The following CDC73 variants were observed in gnomAD, a reference collection of about 807,000 sequenced individuals.
The protein encoded by CDC73 is parafibromin.
A neutral mutation model predicts 83.7 loss-of-function variants in CDC73; 21 were observed. The ratio of observed to expected loss-of-function variants is 0.25; its 90% confidence interval spans 0.18 to 0.36. The LOEUF is 0.36. CDC73 is among the 10% of genes least tolerant of loss of function. The pLI is 1.00. For missense variants in CDC73, 342 were observed against 653.3 expected, an observed-to-expected ratio of 0.52 and a Z score of 5.19; for synonymous variants, 224 against 212.9, an observed-to-expected ratio of 1.05 and a Z score of -0.45.
chr1:193,232,410 C>G (rs1338087205), intron 13 of CDC73, among the ~76,000 whole-genome samples: 1 of 151,928 alleles, frequency 6.6e-6, no homozygotes, highest in African/African-American at 2.4e-5. Flanking sequence ...GTGGAAAATG[C>G]TAAGTGCTAG....
chr1:193,150,804 A>G (rs1207815285), intron 9 of CDC73, among the ~76,000 whole-genome samples: 4 of 152,314 alleles, frequency 2.6e-5, no homozygotes, highest in East Asian at 3.9e-4. Flanking sequence ...TTAAAATGTT[A>G]TTATAGTGCC....
At chr1:193,244,524 G>A (rs895986132) in intron 15 of CDC73, among the ~76,000 whole-genome samples, 2 of 152,132 alleles carry the variant, frequency 1.3e-5, no homozygotes, top group African/African-American at 4.8e-5. Context: ...TGAGGCCCTG[G>A]CCTACATAGT....
rs146597517 is a variant in CDC73, at chr1:193,149,931, GT to G, written c.829-366del. On this transcript the variant is annotated intron_variant, in intron 8 of 16. Coordinates refer to ENST00000367435, the MANE Select transcript of CDC73 (RefSeq NM_024529.5). ...GTTTATTTAAGGATTAATAATTTGG[GT>G]TTTTTTGTTTTGTTAAAACAATCAT... Among the ~76,000 whole-genome samples the G allele has an allele frequency of 5.9e-3, 894 of 152,122 alleles. 29 individuals carry two copies. In the East Asian group the frequency reaches 0.12, roughly 20 times the overall value.
In CDC73 at chr1:193,252,261, TTAAAGA is replaced by T; in HGVS notation, c.*1554_*1559del. 4.3e-6 allele frequency: 1 copy of T among 230,682 alleles called. No individual in the cohort carries two copies. The highest frequency in any genetic ancestry group is 8.6e-6 in the Non-Finnish European group (1 of 116,446). 14.3% of individuals were successfully genotyped at this position (230,682 alleles called of 1,614,324 possible). On this transcript the variant is annotated 3_prime_UTR_variant, in exon 17 of 17. Coordinates refer to ENST00000367435, the MANE Select transcript of CDC73 (RefSeq NM_024529.5). ...CCTCCCTTTTTAGCGTCTTCTTTCC[TTAAAGA>T]TAAAAGAAAACTCAAATTTGTTTAC...
chr1:193,138,010 A>G, intron 5 of CDC73, 75 bp from the exon 6 acceptor site: 2 of 1,083,432 alleles, frequency 1.8e-6, no homozygotes, highest in Non-Finnish European at 1.4e-6. Context: ...TGGTAAGGAA[A>G]AGTTACATGT....
intron 4 of CDC73, 38 bp downstream of exon 4, chr1:193,135,491 G>A: frequency 6.2e-7 from 1 of 1,608,420 alleles, no homozygotes; most frequent in Non-Finnish European, 8.5e-7. Flanking sequence ...ACTTTCAGAA[G>A]CCCATTCCAA....
chr1:193,146,396 T>C (rs1375613247), intron 7 of CDC73, among the ~76,000 whole-genome samples: 1 of 152,108 alleles, frequency 6.6e-6, no homozygotes, highest in East Asian at 1.9e-4. Flanking sequence ...AGAAATTTAT[T>C]TCTCATATTT....
At chr1:193,177,528 T>TAAAAAAA (rs556503372) in intron 10 of CDC73, among the ~76,000 whole-genome samples, 3 of 104,450 alleles carry the variant, frequency 2.9e-5, no homozygotes, top group African/African-American at 6.9e-5. Context: ...AGACTCTGTC[T>TAAAAAAA]AAAAAAAAAA....
At chr1:193,245,646 A>G (rs1013843658) in intron 15 of CDC73, among the ~76,000 whole-genome samples, 1 of 152,144 alleles carries the variant, frequency 6.6e-6, no homozygotes, top group African/African-American at 2.4e-5. Flanking sequence ...ATTTGGATAA[A>G]TGCCCATTAA....
At chr1:193,249,696 T>C (rs1327582617) in intron 15 of CDC73, 34 bp from the exon 16 acceptor site, 1 of 1,564,140 alleles carries the variant, frequency 6.4e-7, no homozygotes. Flanking sequence ...TTATTTTGAG[T>C]AAAAATGATA....
At chr1:193,224,660 CAT>C (rs1677535073) in intron 13 of CDC73, among the ~76,000 whole-genome samples, 1 of 152,050 alleles carries the variant, frequency 6.6e-6, no homozygotes, top group Non-Finnish European at 1.5e-5. Flanking sequence ...CGCATATACA[CAT>C]ATATGAAATA....
intron 14 of CDC73, 119 bp downstream of exon 14, chr1:193,233,273 C>G: frequency 1.1e-6 from 1 of 907,912 alleles, no homozygotes; most frequent in Middle Eastern, 3.3e-4. Context: ...GTTGCCTAGG[C>G]AGAACTTGAA....
chr1:193,243,021 T>C (rs1677889029), intron 15 of CDC73, among the ~76,000 whole-genome samples: 1 of 151,746 alleles, frequency 6.6e-6, no homozygotes. Flanking sequence ...GGTGCAATCT[T>C]GGCTCCCTGC....
At chr1:193,242,955 C>CTTT (rs530654324) in intron 15 of CDC73, among the ~76,000 whole-genome samples, 6 of 142,198 alleles carry the variant, frequency 4.2e-5, no homozygotes, top group East Asian at 2.0e-4. Flanking sequence ...TCTTCTTCTT[C>CTTT]TTTTTTTTTT....
At chr1:193,247,962 T>C (rs1280274183) in intron 15 of CDC73, among the ~76,000 whole-genome samples, 9 of 152,074 alleles carry the variant, frequency 5.9e-5, no homozygotes, top group Non-Finnish European at 1.0e-4. Context: ...ATCCAGAAGA[T>C]ACAGTGAATA....
chr1:193,248,100 A>G (rs961060728), intron 15 of CDC73, among the ~76,000 whole-genome samples: 4 of 152,096 alleles, frequency 2.6e-5, no homozygotes, highest in Non-Finnish European at 5.9e-5. Flanking sequence ...CCAAAACTTC[A>G]GAGGACAGAC....
At chr1:193,191,576 C>T (rs1432792910) in intron 10 of CDC73, among the ~76,000 whole-genome samples, 3 of 151,870 alleles carry the variant, frequency 2.0e-5, no homozygotes, top group Non-Finnish European at 4.4e-5. Context: ...TTAGTAGAGT[C>T]GCGGTTTCGT....
intron 6 of CDC73, among the ~76,000 whole-genome samples, chr1:193,138,680 T>TA (rs1246638428): frequency 6.6e-6 from 1 of 152,206 alleles, no homozygotes; most frequent in Non-Finnish European, 1.5e-5. Context: ...ACAGCTCACT[T>TA]ACATTCTTTT....
rs756502131 is a variant in CDC73, at chr1:193,250,721, G to C, written c.*9G>C. The C allele has an allele frequency of 2.5e-6, 4 of 1,606,040 alleles. No individual in the cohort carries two copies. Among genetic ancestry groups the C allele is most frequent in the African/African-American group, 1.3e-5 (1 of 74,558 alleles). On this transcript the variant is annotated 3_prime_UTR_variant, in exon 17 of 17. Transcript: ENST00000367435. ...CGCACTTGAGATTCTGAATTATTTGGCTCCTCCATTTCTGGAAATTGAGAC... is the reference window on the plus strand; with the variant it reads ...CGCACTTGAGATTCTGAATTATTTGCCTCCTCCATTTCTGGAAATTGAGAC...
Sources: allele counts gnomAD v4.1 joint callset (sites outside exome capture counted in the v4.1 genomes callset), GRCh38; gene constraint gnomAD v4.1.1; transcripts MANE v1.5; gene names NCBI Gene and HGNC (gene_info 2026-07-23, HGNC 2026-07-21).